The following MYO5C variants were observed in gnomAD, a reference collection of about 807,000 sequenced individuals.
The protein encoded by MYO5C is unconventional myosin-Vc.
In MYO5C, 194 loss-of-function variants were observed where a neutral mutation model predicts 235.7. The observed-to-expected ratio is 0.82, with a 90% CI of 0.73 to 0.93. The LOEUF is 0.93. Among genes scored for constraint, MYO5C ranks in the 40% least tolerant of loss-of-function variants. MYO5C has a pLI of 0.00. For synonymous variants in MYO5C, 707 were observed against 754.8 expected, an observed-to-expected ratio of 0.94 and a Z score of 1.04; for missense variants, 2,038 against 2,127.2, an observed-to-expected ratio of 0.96 and a Z score of 0.82.
At chr15:52,198,849 G>C (rs951731771) in intron 38 of MYO5C, among the ~76,000 whole-genome samples, 4 of 151,330 alleles carry the variant, frequency 2.6e-5, no homozygotes, top group African/African-American at 9.7e-5. Context: ...CAAAGTGCTG[G>C]GATTACAGGT....
intron 38 of MYO5C, among the ~76,000 whole-genome samples, chr15:52,200,363 T>A (rs1001906281): frequency 5.3e-5 from 8 of 151,776 alleles, no homozygotes; most frequent in Admixed American, 5.3e-4. Context: ...AGATCAGGAG[T>A]TCGAGACCAG....
Position 52,248,780 on chromosome 15 carries a change from C to T in MYO5C, c.1666G>A (p.Glu556Lys). ...TCCAGGAAACCTTCACATTTATACTCTACCTATACAGAGAAAGCAATTAAT... is the reference window on the plus strand; with the variant it reads ...TCCAGGAAACCTTCACATTTATACTTTACCTATACAGAGAAAGCAATTAAT... ...FVIQHFADKV[E>K]YKCEGFLEKN... The change falls in exon 14 of 41, where the codon GAG (glutamate) becomes AAG (lysine). Residue 556 changes from glutamate to lysine, a missense_variant. By Grantham distance (56) the Glu-to-Lys change is moderately conservative. Transcript: ENST00000261839. 1 of 1,610,300 alleles carries T rather than the reference C, an allele frequency of 6.2e-7. No homozygotes were observed. The highest frequency in any genetic ancestry group is 8.5e-7 in the Non-Finnish European group (1 of 1,176,606).
At chr15:52,293,388 G>C (rs2037433955) in intron 1 of MYO5C, among the ~76,000 whole-genome samples, 1 of 152,048 alleles carries the variant, frequency 6.6e-6, no homozygotes, top group Admixed American at 6.6e-5. Context: ...TGGCTTCAGT[G>C]ACCACCTCTG....
rs548997315 is a variant in MYO5C at position 52,208,773 on chromosome 15, T to G, written c.4297-130A>C. The G allele has an allele frequency of 7.8e-6, 5 of 642,372 alleles. No homozygotes were observed. In the East Asian group the frequency reaches 1.4e-4, roughly 18 times the overall value. 39.8% of individuals were successfully genotyped at this position (642,372 alleles called of 1,614,324 possible). ...TTTATTCACTAAAGCCTTTATCCAA[T>G]TCATATTATACTTATAAGAACTTAT... On this transcript the variant is annotated intron_variant, in intron 35 of 40. Coordinates refer to ENST00000261839, the MANE Select transcript of MYO5C (RefSeq NM_018728.4).
In MYO5C at chr15:52,196,450, T is replaced by G; in HGVS notation, c.4854A>C (p.Lys1618Asn). 6.2e-7 allele frequency: 1 copy of G among 1,614,026 alleles called. No individual in the cohort carries two copies. The highest frequency in any genetic ancestry group is 8.5e-7 in the Non-Finnish European group (1 of 1,179,976). ...CNISYLEEWL[K>N]DKNLQNSLAK... ...CTAAGCTGTTCTGCAAGTTCTTATC[T>G]TTAAGCCATTCTTCTAAGTAGCTGA... Residue 1618 changes from lysine to asparagine, a missense_variant, in exon 39 of 41, where the codon AAA (lysine) becomes AAC (asparagine). Physicochemically the swap from Lys to Asn is moderately conservative, Grantham distance 94. Coordinates refer to ENST00000261839, the MANE Select transcript of MYO5C (RefSeq NM_018728.4).
intron 11 of MYO5C, among the ~76,000 whole-genome samples, chr15:52,254,712 CAA>C (rs11328196): frequency 8.3e-5 from 11 of 131,858 alleles, no homozygotes; most frequent in African/African-American, 2.4e-4. Flanking sequence ...AGAACAAAAG[CAA>C]AAAAAAAAAA....
chr15:52,294,717 C>G (rs78175543), intron 1 of MYO5C, among the ~76,000 whole-genome samples: 4,368 of 151,514 alleles, frequency 0.029, 221 homozygotes, highest in African/African-American at 0.098. Context: ...AGTGCTAACA[C>G]TGTCACACTC....
At chr15:52,249,519 G>A (rs1190644468) in intron 13 of MYO5C, among the ~76,000 whole-genome samples, 4 of 152,180 alleles carry the variant, frequency 2.6e-5, no homozygotes, top group African/African-American at 9.7e-5. Context: ...GGAGAGTGCT[G>A]GAATCCGTAA....
intron 8 of MYO5C, among the ~76,000 whole-genome samples, chr15:52,269,397 T>A (rs1441208186): frequency 6.8e-6 from 1 of 148,122 alleles, no homozygotes; most frequent in African/African-American, 2.5e-5. Context: ...TTTTTTTTTT[T>A]TTTTTTTTTT....
chr15:52,282,852 T>A lies in MYO5C; in HGVS notation c.68A>T (p.Lys23Met). ...GTAGTCCTTGGCTATTTCAGCAGAC[T>A]TCCAAACTTCTTCAGGATCGGGAAT... Reference protein sequence around the residue: ...VWIPDPEEVWKSAEIAKDYRV... With the variant: ...VWIPDPEEVWMSAEIAKDYRV... The change falls in exon 2 of 41, where the codon AAG becomes ATG. Residue 23 changes from lysine to methionine, a missense_variant. Coordinates refer to ENST00000261839, the MANE Select transcript of MYO5C (RefSeq NM_018728.4). 1 of 1,614,136 alleles carries A rather than the reference T, an allele frequency of 6.2e-7. No individual in the cohort carries two copies. Among genetic ancestry groups the A allele is most frequent in the Non-Finnish European group, 8.5e-7 (1 of 1,179,946 alleles).
At chr15:52,253,500 A>G in intron 11 of MYO5C, 43 bp from the exon 12 acceptor site, 1 of 1,569,464 alleles carries the variant, frequency 6.4e-7, no homozygotes, top group African/African-American at 1.4e-5. Context: ...CAGAATATTA[A>G]AATACGTTTC....
intron 36 of MYO5C, 113 bp downstream of exon 36, chr15:52,208,441 A>G: frequency 1.1e-6 from 1 of 902,650 alleles, no homozygotes; most frequent in South Asian, 1.7e-5. Flanking sequence ...CCAACAGATA[A>G]TGTGCTGTTG....
Position 52,221,204 on chromosome 15 carries a change from C to T in MYO5C, c.3679G>A (p.Asp1227Asn). ...QISELEKQKQ[D>N]LEIRLNEQAE... Reference sequence around the variant, plus strand: ...TGTTCATTCAGGCGGATTTCAAGATCTTGCTTCTGTTTCTCCAATTCTGAA... The same window carrying T: ...TGTTCATTCAGGCGGATTTCAAGATTTTGCTTCTGTTTCTCCAATTCTGAA... Residue 1227 changes from aspartate (D) to asparagine (N), a missense_variant, in exon 30 of 41, where the codon GAT (aspartate) becomes AAT (asparagine). By Grantham distance (23) the Asp-to-Asn change is conservative (BLOSUM62 1). Transcript: ENST00000261839. 6.2e-7 allele frequency: 1 copy of T among 1,613,292 alleles called. No individual in the cohort carries two copies. The highest frequency in any genetic ancestry group is 8.5e-7 in the Non-Finnish European group (1 of 1,179,578).
chr15:52,238,249 A>G (rs771091933), intron 21 of MYO5C, among the ~76,000 whole-genome samples: 1 of 152,232 alleles, frequency 6.6e-6, no homozygotes, highest in African/African-American at 2.4e-5. Context: ...TAAGCCACCC[A>G]GTCAGTGATA....
chr15:52,253,614 C>G (rs1446622024), intron 11 of MYO5C, among the ~76,000 whole-genome samples, 157 bp from the exon 12 acceptor site: 7 of 152,252 alleles, frequency 4.6e-5, no homozygotes, highest in Non-Finnish European at 8.8e-5. Flanking sequence ...ATACCGTGAT[C>G]AATACCGCCG....
At chr15:52,291,340 G>A (rs1192128707) in intron 1 of MYO5C, among the ~76,000 whole-genome samples, 1 of 152,190 alleles carries the variant, frequency 6.6e-6, no homozygotes, top group Non-Finnish European at 1.5e-5. Flanking sequence ...CAAGCCGTCT[G>A]TCCTACCCAC....
Position 52,288,789 on chromosome 15 carries a change from G to A in MYO5C, c.28-5897C>T, listed in dbSNP as rs529942391. Among the ~76,000 whole-genome samples the A allele has an allele frequency of 1.4e-4, 22 of 152,262 alleles. No individual in the cohort carries two copies. In the South Asian group the frequency reaches 4.1e-3, roughly 29 times the overall value. The stretch of plus-strand genomic sequence containing the variant: ...GGAACAGCTCGCCAAGCCCTTCAGC[G>A]GAGCCAGGAAAGAGAGGGCCACCTC... On this transcript the variant is annotated intron_variant, in intron 1 of 40. Coordinates refer to ENST00000261839, the MANE Select transcript of MYO5C (RefSeq NM_018728.4).
chr15:52,245,783 C>G (rs1281311349), intron 17 of MYO5C, among the ~76,000 whole-genome samples, 173 bp downstream of exon 17: 1 of 152,252 alleles, frequency 6.6e-6, no homozygotes, highest in East Asian at 1.9e-4. Context: ...CCGACCCCTA[C>G]AAAGCCTATT....
At chr15:52,232,410 CAGA>C (rs2035986030) in intron 24 of MYO5C, among the ~76,000 whole-genome samples, 1 of 152,054 alleles carries the variant, frequency 6.6e-6, no homozygotes, top group Non-Finnish European at 1.5e-5. Flanking sequence ...ACCCACCCAG[CAGA>C]AGCTTTATGG....
Sources: allele counts gnomAD v4.1 joint callset (sites outside exome capture counted in the v4.1 genomes callset), GRCh38; gene constraint gnomAD v4.1.1; transcripts MANE v1.5; gene names NCBI Gene and HGNC (gene_info 2026-07-23, HGNC 2026-07-21).